The following SPON1 variants were observed in gnomAD, a reference collection of about 807,000 sequenced individuals.
SPON1 encodes spondin-1.
In SPON1, 52 loss-of-function variants were observed where a neutral mutation model predicts 111.7. That is an observed-to-expected ratio of 0.47 (90% confidence interval 0.37 to 0.59). The LOEUF is 0.59. Among genes scored for constraint, SPON1 ranks in the 20% least tolerant of loss-of-function variants. The pLI is 0.00. For synonymous variants in SPON1, 410 were observed against 395.8 expected, an observed-to-expected ratio of 1.04 and a Z score of -0.43; for missense variants, 957 against 1,068.5, an observed-to-expected ratio of 0.90 and a Z score of 1.46.
intron 2 of SPON1, among the ~76,000 whole-genome samples, chr11:14,018,390 A>G (rs1331292641): frequency 6.6e-6 from 1 of 152,208 alleles, no homozygotes; most frequent in Non-Finnish European, 1.5e-5. Context: ...ACAACATTTC[A>G]GAGGTAGAAA....
chr11:14,072,603 T>C (rs782224168), intron 3 of SPON1, among the ~76,000 whole-genome samples: 10 of 152,066 alleles, frequency 6.6e-5, no homozygotes, highest in Non-Finnish European at 1.5e-4. Context: ...CCGGGAAGCT[T>C]GGCCCAAAGT....
intron 2 of SPON1, among the ~76,000 whole-genome samples, chr11:14,010,556 CCTG>C (rs1554913605): frequency 6.6e-6 from 1 of 152,136 alleles, no homozygotes; most frequent in African/African-American, 2.4e-5. Flanking sequence ...AAAAAAATCT[CCTG>C]CTGGCCTAGG....
intron 5 of SPON1, among the ~76,000 whole-genome samples, chr11:14,133,468 T>C (rs1386847578): frequency 6.6e-6 from 1 of 152,140 alleles, no homozygotes; most frequent in Non-Finnish European, 1.5e-5. Flanking sequence ...TCTGAGTATT[T>C]TATAAAGGAG....
At chr11:14,075,195 T>A (rs1256684164) in intron 3 of SPON1, 150 bp from the exon 4 acceptor site, 2 of 618,324 alleles carry the variant, frequency 3.2e-6, no homozygotes, top group Admixed American at 5.1e-5. Context: ...AAGCAGGTAT[T>A]GCTGTTATGT....
intron 2 of SPON1, among the ~76,000 whole-genome samples, chr11:14,038,766 G>A: frequency 6.6e-6 from 1 of 152,194 alleles, no homozygotes; most frequent in East Asian, 1.9e-4. Context: ...ATGCAAAATG[G>A]TAAAGCTGCT....
chr11:14,015,638 A>G (rs1300803042), intron 2 of SPON1, among the ~76,000 whole-genome samples: 1 of 152,258 alleles, frequency 6.6e-6, no homozygotes, highest in African/African-American at 2.4e-5. Flanking sequence ...TTGATATGTC[A>G]AAGATGTGGT....
At chr11:14,181,561 T>C (rs1848234990) in intron 6 of SPON1, among the ~76,000 whole-genome samples, 1 of 152,206 alleles carries the variant, frequency 6.6e-6, no homozygotes, top group African/African-American at 2.4e-5. Flanking sequence ...TGGAATAACA[T>C]TGATTGTTCC....
At chr11:14,230,176 C>T (rs1404081344) in intron 6 of SPON1, among the ~76,000 whole-genome samples, 1 of 152,112 alleles carries the variant, frequency 6.6e-6, no homozygotes, top group Non-Finnish European at 1.5e-5. Context: ...AGCAGCATTC[C>T]CAGGATCCTT....
chr11:14,235,709 T>TAAAA (rs1848857543), intron 6 of SPON1, among the ~76,000 whole-genome samples: 1 of 96,064 alleles, frequency 1.0e-5, no homozygotes, highest in African/African-American at 3.9e-5. Flanking sequence ...AAAAAAAAAG[T>TAAAA]AAGCAAAATG....
At chr11:14,200,323 G>A (rs1276226026) in intron 6 of SPON1, among the ~76,000 whole-genome samples, 2 of 152,146 alleles carry the variant, frequency 1.3e-5, no homozygotes, top group African/African-American at 2.4e-5. Flanking sequence ...CTAGGAATCC[G>A]CTAACATTTG....
intron 3 of SPON1, among the ~76,000 whole-genome samples, chr11:14,069,474 C>T (rs1280022885): frequency 1.3e-5 from 2 of 152,094 alleles, no homozygotes; most frequent in Non-Finnish European, 2.9e-5. Context: ...GCCATCATCT[C>T]CTCCTCTTGA....
At chr11:14,005,133 C>CA (rs1270174546) in intron 2 of SPON1, among the ~76,000 whole-genome samples, 1 of 151,812 alleles carries the variant, frequency 6.6e-6, no homozygotes, top group Non-Finnish European at 1.5e-5. Context: ...GTGTGATATC[C>CA]AAAAAAATTA....
chr11:14,194,534 A>ACC, intron 6 of SPON1, among the ~76,000 whole-genome samples: 1 of 121,218 alleles, frequency 8.2e-6, no homozygotes, highest in East Asian at 2.2e-4. Context: ...TACTTCACAC[A>ACC]CACACACACA....
chr11:14,146,912 T>C (rs1554929395), intron 6 of SPON1, among the ~76,000 whole-genome samples: 1 of 152,084 alleles, frequency 6.6e-6, no homozygotes, highest in Non-Finnish European at 1.5e-5. Context: ...AAAAATATTT[T>C]TCTTCATACC....
In SPON1 at chr11:14,266,655, GCCC is replaced by G. The variant is rs1211538610; in HGVS notation, c.*973_*975del. 7 of 152,000 alleles carry G rather than the reference GCCC, an allele frequency of 4.6e-5. No individual in the cohort carries two copies. The highest frequency in any genetic ancestry group is 7.3e-5 in the African/African-American group (3 of 41,370). 9.4% of individuals were successfully genotyped at this position (152,000 alleles called of 1,614,324 possible). A position where few individuals can be genotyped will look rare whatever the true frequency, so the allele number is the denominator to read the frequency against. On this transcript the variant is annotated 3_prime_UTR_variant, in exon 16 of 16. Transcript: ENST00000576479. The stretch of plus-strand genomic sequence containing the variant: ...AAACATTTTGCTAAGTCTGCCCAAA[GCCC>G]CCCCAATGCATTCCTTCAACAAAAT...
intron 2 of SPON1, among the ~76,000 whole-genome samples, chr11:14,038,414 A>G (rs181257323): frequency 2.0e-5 from 3 of 152,016 alleles, no homozygotes; most frequent in African/African-American, 4.8e-5. Context: ...GGTTATAGTG[A>G]GCTGAGATGG....
At chr11:13,982,357 T>A (rs1848151175) in intron 1 of SPON1, among the ~76,000 whole-genome samples, 1 of 152,170 alleles carries the variant, frequency 6.6e-6, no homozygotes, top group South Asian at 2.1e-4. Flanking sequence ...AAAGCTGACT[T>A]AACTGCAAAG....
At chr11:14,005,079 T>C (rs1169156581) in intron 2 of SPON1, among the ~76,000 whole-genome samples, 1 of 152,250 alleles carries the variant, frequency 6.6e-6, no homozygotes, top group Non-Finnish European at 1.5e-5. Context: ...TTTAGTTTCA[T>C]GTAGTTCCAT....
At chr11:14,041,475 C>G (rs1848630765) in intron 2 of SPON1, 46 bp from the exon 3 acceptor site, 1 of 1,604,836 alleles carries the variant, frequency 6.2e-7, no homozygotes, top group African/African-American at 1.3e-5. Flanking sequence ...TAAGCGCCCT[C>G]TCAAAATGAT....
Sources: allele counts gnomAD v4.1 joint callset (sites outside exome capture counted in the v4.1 genomes callset), GRCh38; gene constraint gnomAD v4.1.1; transcripts MANE v1.5; gene names NCBI Gene and HGNC (gene_info 2026-07-23, HGNC 2026-07-21).